Variants in PTBP2 observed in about 807,000 individuals in gnomAD.
The protein encoded by PTBP2 is polypyrimidine tract-binding protein 2.
In PTBP2, 13 loss-of-function variants were observed where a neutral mutation model predicts 61.4. The observed-to-expected ratio is 0.21, with a 90% CI of 0.14 to 0.34. PTBP2 has a LOEUF of 0.34. PTBP2 is among the 10% of genes least tolerant of loss of function. The pLI is 1.00. For missense variants in PTBP2, 405 were observed against 642.6 expected (o/e 0.63, Z 4.00); for synonymous variants, 215 against 218.5 (o/e 0.98, Z 0.14).
At chr1:96,802,307 G>C (rs1661099314) in intron 8 of PTBP2, among the ~76,000 whole-genome samples, 1 of 149,662 alleles carries the variant, frequency 6.7e-6, no homozygotes, top group Non-Finnish European at 1.5e-5. Flanking sequence ...AGACCAAAAA[G>C]TTTGAGAACT....
intron 2 of PTBP2, among the ~76,000 whole-genome samples, chr1:96,732,175 T>G (rs146948583): frequency 6.6e-6 from 1 of 152,328 alleles, no homozygotes; most frequent in Non-Finnish European, 1.5e-5. Context: ...ACTATTGAAT[T>G]CATCCTCATT....
intron 8 of PTBP2, among the ~76,000 whole-genome samples, chr1:96,789,920 A>G (rs1659604711): frequency 6.6e-6 from 1 of 152,124 alleles, no homozygotes. Flanking sequence ...CAGAATTGAC[A>G]ATGATTTCTT....
intron 11 of PTBP2, among the ~76,000 whole-genome samples, chr1:96,808,748 G>C (rs186178725): frequency 6.6e-6 from 1 of 151,838 alleles, no homozygotes; most frequent in Non-Finnish European, 1.5e-5. Flanking sequence ...TTGCTTTCTT[G>C]AACTGTGTGA....
chr1:96,740,368 A>T (rs910090118), intron 2 of PTBP2, among the ~76,000 whole-genome samples: 1 of 152,078 alleles, frequency 6.6e-6, no homozygotes, highest in Non-Finnish European at 1.5e-5. Context: ...TTGTGAGCAC[A>T]CTTTGGGGGA....
chr1:96,723,489 A>G (rs1649929598), intron 1 of PTBP2, 75 bp from the exon 2 acceptor site: 2 of 1,308,102 alleles, frequency 1.5e-6, no homozygotes, highest in Admixed American at 3.7e-5. Context: ...GGACTATCCT[A>G]AAAAGTTTTA....
chr1:96,768,947 A>G (rs1250562590), intron 3 of PTBP2, among the ~76,000 whole-genome samples: 3 of 152,120 alleles, frequency 2.0e-5, no homozygotes, highest in African/African-American at 7.2e-5. Context: ...ACAATTTATA[A>G]TTTCTCAGGT....
At chr1:96,770,260 TA>T (rs1274508822) in intron 4 of PTBP2, among the ~76,000 whole-genome samples, 4 of 152,074 alleles carry the variant, frequency 2.6e-5, no homozygotes, top group African/African-American at 9.6e-5. Flanking sequence ...TGATACCATT[TA>T]GAAGAATTTA....
chr1:96,798,154 C>G lies in PTBP2; in HGVS notation c.905-6646C>G, dbSNP rs555677617. 2.6e-5 allele frequency among the ~76,000 whole-genome samples: 4 copies of G among 151,936 alleles called. No homozygotes were observed. In the South Asian group the frequency reaches 6.3e-4, roughly 24 times the overall value. On this transcript the variant is annotated intron_variant, in intron 8 of 13. Transcript: ENST00000674951. ...TATAATCCCAGTCATGCCTGTAATC[C>G]CAGCACTTTGGGAGGCTAAGGTGGG...
intron 3 of PTBP2, among the ~76,000 whole-genome samples, chr1:96,767,249 A>T (rs1242817748): frequency 6.6e-6 from 1 of 152,122 alleles, no homozygotes; most frequent in Admixed American, 6.5e-5. Context: ...AAAATAAATT[A>T]TTTAATTTCC....
chr1:96,726,710 T>G (rs781570396), intron 2 of PTBP2, among the ~76,000 whole-genome samples: 1 of 152,168 alleles, frequency 6.6e-6, no homozygotes, highest in Non-Finnish European at 1.5e-5. Flanking sequence ...GTGCTGGGAT[T>G]ACAAGCGTGA....
intron 2 of PTBP2, among the ~76,000 whole-genome samples, chr1:96,739,842 C>T (rs2100848205): frequency 6.6e-6 from 1 of 151,714 alleles, no homozygotes; most frequent in Middle Eastern, 3.5e-3. Context: ...CCAGGATGGA[C>T]TCTTATCTCC....
At chr1:96,779,731 G>C (rs1025193952) in intron 7 of PTBP2, among the ~76,000 whole-genome samples, 33 of 152,054 alleles carry the variant, frequency 2.2e-4, no homozygotes, top group South Asian at 2.1e-4. Context: ...GAAGGAAAAA[G>C]AAATTTGTTT....
intron 8 of PTBP2, among the ~76,000 whole-genome samples, chr1:96,802,672 T>A (rs767673553): frequency 1.3e-5 from 2 of 152,184 alleles, no homozygotes; most frequent in Non-Finnish European, 2.9e-5. Flanking sequence ...GGTACTGAAC[T>A]TCTTCTGCAT....
intron 5 of PTBP2, among the ~76,000 whole-genome samples, chr1:96,775,230 G>A (rs962489217): frequency 2.0e-5 from 3 of 152,214 alleles, no homozygotes; most frequent in African/African-American, 7.2e-5. Flanking sequence ...TTGAAAACTC[G>A]AAATATCTAC....
intron 3 of PTBP2, among the ~76,000 whole-genome samples, chr1:96,761,188 A>G (rs1255076889): frequency 6.6e-6 from 1 of 152,214 alleles, no homozygotes; most frequent in Non-Finnish European, 1.5e-5. Flanking sequence ...TCCTATGTTA[A>G]TAAACTAAGT....
intron 2 of PTBP2, among the ~76,000 whole-genome samples, chr1:96,732,902 A>G (rs1651623325): frequency 6.6e-6 from 1 of 152,224 alleles, no homozygotes; most frequent in African/African-American, 2.4e-5. Context: ...AATGGCAGAT[A>G]GGTTATATAG....
At chr1:96,815,372 T>C (rs1414455708), downstream of PTBP2, 1 of 152,190 alleles carries the variant, frequency 6.6e-6, no homozygotes, top group African/African-American at 2.4e-5. Context: ...GAGCAGCATA[T>C]CTGCATATCA....
chr1:96,783,504 C>T (rs895954149), intron 7 of PTBP2, among the ~76,000 whole-genome samples: 3 of 152,038 alleles, frequency 2.0e-5, no homozygotes, highest in Non-Finnish European at 2.9e-5. Context: ...TCCTAAAAAA[C>T]TTAGTGTGTG....
At chr1:96,784,988 A>T (rs1659067473) in intron 7 of PTBP2, 71 bp from the exon 8 acceptor site, 5 of 1,210,814 alleles carry the variant, frequency 4.1e-6, no homozygotes, top group East Asian at 2.8e-5. Context: ...GAGTTTTATT[A>T]CTAAAATTAT....
Sources: allele counts gnomAD v4.1 joint callset (sites outside exome capture counted in the v4.1 genomes callset), GRCh38; gene constraint gnomAD v4.1.1; transcripts MANE v1.5; gene names NCBI Gene and HGNC (gene_info 2026-07-23, HGNC 2026-07-21).